Variants in ANKRD17 observed in about 807,000 individuals in gnomAD.
The protein encoded by ANKRD17 is ankyrin repeat domain-containing protein 17.
ANKRD17 carries 19 observed loss-of-function variants against 229.7 expected under a neutral mutation model. The ratio of observed to expected loss-of-function variants is 0.08; its 90% CI spans 0.06 to 0.12. ANKRD17 has a LOEUF of 0.12. Among genes scored for constraint, ANKRD17 ranks in the 10% least tolerant of loss-of-function variants. The pLI, the probability that ANKRD17 is intolerant of heterozygous loss-of-function variation, is 1.00. For missense variants in ANKRD17, 2,176 were observed against 3,176.8 expected (o/e 0.68, Z 7.57); for synonymous variants, 1,112 against 1,146.1 (o/e 0.97, Z 0.60).
At chr4:73,129,088 A>G (rs529073092) in intron 16 of ANKRD17, among the ~76,000 whole-genome samples, 18 of 152,330 alleles carry the variant, frequency 1.2e-4, no homozygotes, top group African/African-American at 4.3e-4. Flanking sequence ...ATCTAAGAGA[A>G]AGTCCCGAAC....
intron 1 of ANKRD17, among the ~76,000 whole-genome samples, chr4:73,252,338 A>C (rs1017458255): frequency 6.6e-6 from 1 of 152,238 alleles, no homozygotes; most frequent in Non-Finnish European, 1.5e-5. Flanking sequence ...TACCAGAAAG[A>C]TGTGATCAAT....
chr4:73,121,737 C>T lies in ANKRD17; in HGVS notation c.3515G>A (p.Arg1172Gln), dbSNP rs751940541. The change falls in exon 19 of 34, where the codon CGA becomes CAA. Residue 1172 changes from arginine to glutamine, a missense_variant. Arg to Gln is a conservative substitution (Grantham distance 43). Transcript: ENST00000358602. ...ATTCCTGTGCTCTTTATTTGCCCCTCGAGCTAACAATAGCTCCACCACCTG... is the reference window on the plus strand; with the variant it reads ...ATTCCTGTGCTCTTTATTTGCCCCTTGAGCTAACAATAGCTCCACCACCTG... ...RQEVVELLLA[R>Q]GANKEHRNVS... 2 of 1,606,718 alleles carry T rather than the reference C, an allele frequency of 1.2e-6. No homozygotes were observed. Among genetic ancestry groups the T allele is most frequent in the Admixed American group, 1.7e-5 (1 of 58,590 alleles).
intron 2 of ANKRD17, among the ~76,000 whole-genome samples, 154 bp downstream of exon 2, chr4:73,177,226 C>T (rs909445282): frequency 5.3e-5 from 8 of 152,284 alleles, no homozygotes; most frequent in East Asian, 3.9e-4. Flanking sequence ...TTTAGTAAAA[C>T]GCTCCATGTA....
chr4:73,194,507 G>A (rs996355128), intron 1 of ANKRD17, among the ~76,000 whole-genome samples: 2 of 152,020 alleles, frequency 1.3e-5, no homozygotes, highest in Admixed American at 6.6e-5. Flanking sequence ...TTTCAAAACC[G>A]TTTTGGTTAT....
At chr4:73,112,205 AAAC>A (rs1019152018) in intron 24 of ANKRD17, among the ~76,000 whole-genome samples, 1 of 152,220 alleles carries the variant, frequency 6.6e-6, no homozygotes, top group African/African-American at 2.4e-5. Context: ...AAAGATTTTA[AAAC>A]AACCATTATC....
chr4:73,077,375 T>C lies in ANKRD17; in HGVS notation c.7567A>G (p.Met2523Val), dbSNP rs1166367084. 1.9e-6 allele frequency: 3 copies of C among 1,611,230 alleles called. No individual in the cohort carries two copies. Among genetic ancestry groups the C allele is most frequent in the Admixed American group, 1.7e-5 (1 of 59,302 alleles). Residue 2523 changes from methionine (M) to valine (V), a missense_variant, in exon 32 of 34, where the codon ATG (methionine) becomes GTG (valine). Met to Val is a conservative substitution (Grantham distance 21). Coordinates refer to ENST00000358602, the MANE Select transcript of ANKRD17 (RefSeq NM_032217.5). ...TTTACCCCAACTTTAGGAAAGTCCATGTAGCCTGCAGGAACATGCTGATGG... is the reference window on the plus strand; with the variant it reads ...TTTACCCCAACTTTAGGAAAGTCCACGTAGCCTGCAGGAACATGCTGATGG... Reference protein sequence around the residue: ...TFHQHVPAGYMDFPKVGGMPF... With the variant: ...TFHQHVPAGYVDFPKVGGMPF...
intron 8 of ANKRD17, among the ~76,000 whole-genome samples, chr4:73,148,431 C>T (rs1730571201): frequency 6.6e-6 from 1 of 152,198 alleles, no homozygotes; most frequent in Non-Finnish European, 1.5e-5. Flanking sequence ...GTTTCCCATA[C>T]TGTTTTTTAA....
At chr4:73,238,430 T>C (rs908771511) in intron 1 of ANKRD17, among the ~76,000 whole-genome samples, 2 of 152,180 alleles carry the variant, frequency 1.3e-5, no homozygotes, top group Admixed American at 6.5e-5. Flanking sequence ...TTCAGAAATA[T>C]TGAAGAGTGA....
chr4:73,112,547 G>A (rs2148657144), intron 24 of ANKRD17: 1 of 415,744 alleles, frequency 2.4e-6, no homozygotes, highest in East Asian at 1.6e-4. Flanking sequence ...AAAATGAAGA[G>A]CTTCCAAAAT....
At chr4:73,172,372 TGA>T (rs1266892335) in intron 2 of ANKRD17, among the ~76,000 whole-genome samples, 1 of 152,196 alleles carries the variant, frequency 6.6e-6, no homozygotes, top group East Asian at 1.9e-4. Context: ...AGACAAAAGC[TGA>T]GAGATTTCAT....
At chr4:73,154,716 A>C (rs953684320) in intron 5 of ANKRD17, among the ~76,000 whole-genome samples, 1 of 152,180 alleles carries the variant, frequency 6.6e-6, no homozygotes, top group African/African-American at 2.4e-5. Flanking sequence ...ATTTCTAAAA[A>C]TCCCTTCAAA....
intron 13 of ANKRD17, among the ~76,000 whole-genome samples, 164 bp from the exon 14 acceptor site, chr4:73,142,007 C>T (rs919441822): frequency 4.6e-5 from 7 of 152,028 alleles, no homozygotes; most frequent in Admixed American, 2.6e-4. Context: ...TTGTTTACCA[C>T]GACATTTTTT....
intron 27 of ANKRD17, among the ~76,000 whole-genome samples, chr4:73,095,647 T>C (rs567001327): frequency 1.1e-4 from 16 of 149,694 alleles, no homozygotes; most frequent in Non-Finnish European, 1.9e-4. Flanking sequence ...ACTTGCAAAA[T>C]TACATTTTAA....
intron 2 of ANKRD17, among the ~76,000 whole-genome samples, chr4:73,164,150 A>G (rs368220046): frequency 6.6e-6 from 1 of 152,246 alleles, no homozygotes; most frequent in African/African-American, 2.4e-5. Context: ...TCAACATCAC[A>G]GAAGAATTTC....
intron 27 of ANKRD17, among the ~76,000 whole-genome samples, chr4:73,096,863 G>T (rs1723360501): frequency 6.6e-6 from 1 of 152,130 alleles, no homozygotes; most frequent in South Asian, 2.1e-4. Context: ...ATAAGGCTTT[G>T]AGATAACGAA....
chr4:73,258,505 A>G lies in ANKRD17; in HGVS notation c.164T>C (p.Val55Ala), dbSNP rs1745694328. The change falls in exon 1 of 34, where the codon GTG (valine) becomes GCG (alanine). Residue 55 changes from valine (V) to alanine (A), a missense_variant. By Grantham distance (64) the Val-to-Ala change is moderately conservative. This residue lies in a region of ANKRD17 where 196 missense variants were observed against 190.0 expected (regional missense o/e 1.03). Transcript: ENST00000358602. ...ARSASSPRGMVRVCDLLLKKK... is the reference protein window; with the variant it reads ...ARSASSPRGMARVCDLLLKKK... ...CTTCAGGAGCAGGTCGCAGACTCGC[A>G]CCATCCCACGAGGAGACGAGGCCGA... 1 of 1,555,846 alleles carries G rather than the reference A, an allele frequency of 6.4e-7. No homozygotes were observed. Among genetic ancestry groups the G allele is most frequent in the Admixed American group, 1.9e-5 (1 of 51,970 alleles).
intron 1 of ANKRD17, among the ~76,000 whole-genome samples, chr4:73,187,552 T>TA (rs923557998): frequency 6.0e-4 from 92 of 152,186 alleles, no homozygotes; most frequent in African/African-American, 2.1e-3. Context: ...TCCATTTACA[T>TA]AGGACATACT....
chr4:73,078,712 A>G lies in ANKRD17; in HGVS notation c.7338T>C (p.Ile2446=). 2 of 1,614,194 alleles carry G rather than the reference A, an allele frequency of 1.2e-6. No individual in the cohort carries two copies. The highest frequency in any genetic ancestry group is 1.7e-6 in the Non-Finnish European group (2 of 1,180,020). ...RQTGTSAPSV[I]GSNLSTSVGH... ...CTACTGATGTAGACAAATTGCTCCC[A>G]ATAACAGATGGAGCTGACGTTCCAG... The change falls in exon 31 of 34, where the codon ATT becomes ATC. Residue 2446 remains isoleucine, a synonymous_variant. Transcript: ENST00000358602.
intron 1 of ANKRD17, among the ~76,000 whole-genome samples, chr4:73,217,378 G>A (rs1397066130): frequency 6.6e-6 from 1 of 152,080 alleles, no homozygotes; most frequent in Non-Finnish European, 1.5e-5. Flanking sequence ...ATTGGCATAT[G>A]AAAGCAATGT....
Sources: gnomAD v4.1 joint callset for allele counts (sites outside exome capture counted in the v4.1 genomes callset) on GRCh38, gnomAD v4.1.1 for gene constraint, gnomAD v4.1.1 regional missense constraint, MANE v1.5 for transcripts, NCBI Gene and HGNC (gene_info 2026-07-23, HGNC 2026-07-21) for gene names.